The following TNN variants were observed in gnomAD, a reference collection of about 807,000 sequenced individuals.
TNN encodes tenascin-N.
A neutral mutation model predicts 134.4 loss-of-function variants in TNN; 122 were observed. That is an observed-to-expected ratio of 0.91 (90% CI 0.78 to 1.06). The LOEUF (loss-of-function observed/expected upper bound fraction) is 1.06. Among genes scored for constraint, TNN ranks in the 50% least tolerant of loss-of-function variants. TNN has a pLI of 0.00. For synonymous variants in TNN, 710 were observed against 670.3 expected, an observed-to-expected ratio of 1.06 and a Z score of -0.91; for missense variants, 1,739 against 1,699.4, an observed-to-expected ratio of 1.02 and a Z score of -0.41.
intron 12 of TNN, among the ~76,000 whole-genome samples, chr1:175,124,192 T>G (rs2101840730): frequency 1.3e-5 from 2 of 152,370 alleles, no homozygotes; most frequent in African/African-American, 4.8e-5. Flanking sequence ...GAGCCTCTTC[T>G]GGCAGTACGG....
intron 6 of TNN, among the ~76,000 whole-genome samples, chr1:175,087,856 T>C (rs962566426): frequency 6.6e-6 from 1 of 152,232 alleles, no homozygotes; most frequent in African/African-American, 2.4e-5. Flanking sequence ...ATGACTCCCC[T>C]CCTTGAGTTC....
intron 15 of TNN, among the ~76,000 whole-genome samples, chr1:175,133,525 T>C (rs758004576): frequency 6.6e-5 from 10 of 152,258 alleles, no homozygotes; most frequent in African/African-American, 2.4e-4. Context: ...TTGTGGCTTT[T>C]GTGATTCCAT....
At position 175,123,459 on chromosome 1, in the gene TNN, TC is replaced by T. The variant is rs1193584768; in HGVS notation, c.2712del (p.Trp905GlyfsTer36). ...DWVTENMATV[S>X]WDPVQATIDK... ...GGTGACGGAGAATATGGCCACTGTC[TC>T]CTGGGACCCGGTTCAGGCCACCATT... is the stretch of plus-strand genomic sequence containing the variant. On this transcript the variant is annotated frameshift_variant, in exon 12 of 19. Coordinates refer to ENST00000239462, the MANE Select transcript of TNN (RefSeq NM_022093.2). LOFTEE classifies it high-confidence loss of function. 6.2e-7 allele frequency: 1 copy of T among 1,614,178 alleles called. No homozygotes were observed.
At chr1:175,076,454 C>T (rs1329227323) in intron 1 of TNN, among the ~76,000 whole-genome samples, 1 of 152,232 alleles carries the variant, frequency 6.6e-6, no homozygotes, top group Non-Finnish European at 1.5e-5. Flanking sequence ...ACAAGAGTAA[C>T]TGTAACACCA....
chr1:175,094,339 C>T (rs1674520040), intron 7 of TNN, 86 bp downstream of exon 7: 1 of 1,348,270 alleles, frequency 7.4e-7, no homozygotes. Context: ...GCTCACCTGG[C>T]ATCAGCTCTT....
chr1:175,090,870 A>G (rs978246810), intron 6 of TNN, among the ~76,000 whole-genome samples: 3 of 152,120 alleles, frequency 2.0e-5, no homozygotes, highest in African/African-American at 7.2e-5. Context: ...GAATGTCCCT[A>G]AGAAAGGTCC....
intron 16 of TNN, 91 bp from the exon 17 acceptor site, chr1:175,136,730 T>C (rs1675820535): frequency 1.6e-6 from 2 of 1,256,716 alleles, no homozygotes; most frequent in East Asian, 2.5e-5. Flanking sequence ...CTAAAGTGAC[T>C]TTAGGTTCTG....
chr1:175,136,696 C>G, intron 16 of TNN, 125 bp from the exon 17 acceptor site: 1 of 842,662 alleles, frequency 1.2e-6, no homozygotes, highest in Non-Finnish European at 1.8e-6. Context: ...TGAGACTGCC[C>G]CTTATTAGCA....
At chr1:175,112,722 A>G (rs1402193546) in intron 9 of TNN, among the ~76,000 whole-genome samples, 3 of 142,988 alleles carry the variant, frequency 2.1e-5, no homozygotes, top group African/African-American at 7.8e-5. Context: ...GGTTCAAGTG[A>G]TTCTCCCACC....
intron 6 of TNN, among the ~76,000 whole-genome samples, chr1:175,087,263 T>C (rs1674340286): frequency 6.6e-6 from 1 of 152,182 alleles, no homozygotes. Flanking sequence ...ATGGGAAAAG[T>C]GGGCTGAAGA....
At chr1:175,109,300 G>A (rs538798096) in intron 9 of TNN, among the ~76,000 whole-genome samples, 4 of 149,732 alleles carry the variant, frequency 2.7e-5, no homozygotes, top group African/African-American at 9.9e-5. Context: ...TTGTTAGCCA[G>A]GATGGTCTCG....
chr1:175,073,583 C>A (rs896038485), intron 1 of TNN, among the ~76,000 whole-genome samples: 1 of 152,220 alleles, frequency 6.6e-6, no homozygotes, highest in Non-Finnish European at 1.5e-5. Context: ...GATGCTGGAA[C>A]CTGCAGAGAA....
chr1:175,077,704 CAGA>C lies in TNN; in HGVS notation c.289_291del (p.Lys97del), dbSNP rs1674083142. The C allele has an allele frequency of 6.2e-7, 1 of 1,614,230 alleles. No homozygotes were observed. Among genetic ancestry groups the C allele is most frequent in the South Asian group, 1.1e-5 (1 of 91,088 alleles). ...GCACAACATCCGCCTTCAGACGCCA[CAGA>C]AGGACTGCGAGTTGGCAGGCAGTGT... is the stretch of plus-strand genomic sequence containing the variant. On this transcript the variant is annotated inframe_deletion, in exon 2 of 19. Coordinates refer to ENST00000239462, the MANE Select transcript of TNN (RefSeq NM_022093.2).
intron 9 of TNN, among the ~76,000 whole-genome samples, chr1:175,099,281 C>T (rs939730734): frequency 6.6e-6 from 1 of 152,142 alleles, no homozygotes; most frequent in African/African-American, 2.4e-5. Context: ...AGTTTCTCAC[C>T]CATTTATCTT....
At chr1:175,071,257 A>G (rs920513956) in intron 1 of TNN, among the ~76,000 whole-genome samples, 2 of 152,174 alleles carry the variant, frequency 1.3e-5, no homozygotes, top group African/African-American at 4.8e-5. Context: ...TGGCGTAAGT[A>G]GTATTTTTTT....
intron 11 of TNN, among the ~76,000 whole-genome samples, 178 bp downstream of exon 11, chr1:175,119,002 A>G (rs1371745289): frequency 6.6e-6 from 1 of 152,210 alleles, no homozygotes; most frequent in Non-Finnish European, 1.5e-5. Flanking sequence ...GAAACAAAAA[A>G]CTTTCATTCA....
In TNN at chr1:175,125,660, TC is replaced by T. The variant is rs1267535103; in HGVS notation, c.2915-1293del. 1.1e-3 allele frequency among the ~76,000 whole-genome samples: 137 copies of T among 128,186 alleles called. 1 individual carries two copies. The East Asian group carries it at 0.023, about 22-fold the overall frequency. The allele number at this position is 128,186 out of a possible 152,430, so 84.1% of individuals were successfully genotyped here. On this transcript the variant is annotated intron_variant, in intron 12 of 18. Transcript: ENST00000239462. ...TCTTTTCTCTCTCTCCTTCCTTCCT[TC>T]CTTCTCTCCCTCCCTCCCTCCTTTC...
In TNN at chr1:175,093,886, A is replaced by C. The variant is rs1269172074; in HGVS notation, c.1325-104A>C. On this transcript the variant is annotated intron_variant, in intron 6 of 18. Transcript: ENST00000239462. ...GGAGAGACCCCCTTGTATTGCATAAACTATTGAACTAGGTCACCCAGGTGA... is the reference window on the plus strand; with the variant it reads ...GGAGAGACCCCCTTGTATTGCATAACCTATTGAACTAGGTCACCCAGGTGA... 9.7e-6 allele frequency: 12 copies of C among 1,237,416 alleles called. No individual in the cohort carries two copies. The East Asian group carries it at 2.9e-4, about 30-fold the overall frequency. The allele number at this position is 1,237,416 out of a possible 1,614,324, so 76.7% of individuals were successfully genotyped here. A position where few individuals can be genotyped will look rare whatever the true frequency, so the allele number is the denominator to read the frequency against.
intron 15 of TNN, 40 bp from the exon 16 acceptor site, chr1:175,135,805 G>A: frequency 6.6e-7 from 1 of 1,523,300 alleles, no homozygotes; most frequent in Non-Finnish European, 9.1e-7. Flanking sequence ...ACCTATGTCT[G>A]TTTGGAGGGT....
Sources: allele counts gnomAD v4.1 joint callset (sites outside exome capture counted in the v4.1 genomes callset), GRCh38; gene constraint gnomAD v4.1.1; transcripts MANE v1.5; gene names NCBI Gene and HGNC (gene_info 2026-07-23, HGNC 2026-07-21).